AQR: variants seen among roughly 807,000 people sequenced by gnomAD.
AQR encodes the protein aquarius intron-binding spliceosomal factor.
AQR carries 61 observed loss-of-function variants against 180.5 expected under a neutral mutation model. The ratio of observed to expected loss-of-function variants is 0.34; its 90% CI spans 0.28 to 0.42. The LOEUF (loss-of-function observed/expected upper bound fraction) is 0.42, where lower values mean the gene tolerates loss of function less well. Ranked by LOEUF, AQR falls within the 10% of genes least tolerant of loss-of-function variation. AQR has a pLI of 1.00. For missense variants in AQR, 1,281 were observed against 1,798.3 expected, an observed-to-expected ratio of 0.71 and a Z score of 5.20; for synonymous variants, 551 against 588.8, an observed-to-expected ratio of 0.94 and a Z score of 0.93.
At chr15:34,893,607 G>GCACGCACACACACACACACA in intron 23 of AQR, 56 bp downstream of exon 23, 1 of 997,688 alleles carries the variant, frequency 1.0e-6, no homozygotes. Flanking sequence ...GCGCATGCGT[G>GCACGCACACACACACACACA]CACACACACA....
chr15:34,944,806 C>G (rs2140498865), intron 5 of AQR, among the ~76,000 whole-genome samples: 1 of 152,310 alleles, frequency 6.6e-6, no homozygotes, highest in South Asian at 2.1e-4. Context: ...AGTTTTCACA[C>G]TGTAATTAAT....
chr15:34,911,156 T>C lies in AQR; in HGVS notation c.1485-843A>G, dbSNP rs368593618. On this transcript the variant is annotated intron_variant, in intron 16 of 34. Transcript: ENST00000156471. Reference sequence around the variant, plus strand: ...ATATCCCATTGTGTGTTTTTATATATGTACACACACACCACATTTTCACAT... The same window carrying C: ...ATATCCCATTGTGTGTTTTTATATACGTACACACACACCACATTTTCACAT... Among the ~76,000 whole-genome samples, 44 of 152,338 alleles carry C rather than the reference T, an allele frequency of 2.9e-4. No individual in the cohort carries two copies. The East Asian group carries it at 6.4e-3, about 22-fold the overall frequency.
In AQR at chr15:34,906,642, G is replaced by T. The variant is rs758318897; in HGVS notation, c.1734C>A (p.Asp578Glu). The change falls in exon 18 of 35, where the codon GAC (aspartate) becomes GAA (glutamate). Residue 578 changes from aspartate to glutamate, a missense_variant. By Grantham distance (45) the Asp-to-Glu change is conservative (BLOSUM62 2). Transcript: ENST00000156471. ...RPTKPYGTKFDRRRPFIEQVG... is the reference protein window; with the variant it reads ...RPTKPYGTKFERRRPFIEQVG... The stretch of plus-strand genomic sequence containing the variant: ...CCTGCTCAATAAAAGGTCTCCTCCG[G>T]TCAAACTTAGTGCCATAAGGTTTTG... The T allele has an allele frequency of 6.2e-7, 1 of 1,614,068 alleles. No individual in the cohort carries two copies. The highest frequency in any genetic ancestry group is 8.5e-7 in the Non-Finnish European group (1 of 1,180,002).
intron 6 of AQR, chr15:34,942,948 T>A: frequency 3.0e-6 from 3 of 1,009,020 alleles, no homozygotes; most frequent in Non-Finnish European, 2.9e-6. Context: ...ATCACCAAAT[T>A]ACTAATACTA....
intron 15 of AQR, among the ~76,000 whole-genome samples, chr15:34,917,810 T>C (rs1438556579): frequency 2.3e-5 from 3 of 130,262 alleles, no homozygotes; most frequent in South Asian, 3.0e-4. Flanking sequence ...TGGCGAGACC[T>C]TGTCTCTACT....
In AQR at chr15:34,889,554, TTGTAAAG is replaced by T. The variant is rs1248120787; in HGVS notation, c.2681+654_2681+660del. The stretch of plus-strand genomic sequence containing the variant: ...ATACTAATGGCAGAAGAAATCCGAC[TTGTAAAG>T]TTTTAGTCAATTTACAGTATGTGAT... On this transcript the variant is annotated intron_variant, in intron 24 of 34. Transcript: ENST00000156471. 3.3e-5 allele frequency among the ~76,000 whole-genome samples: 5 copies of T among 152,354 alleles called. No homozygotes were observed. In the East Asian group the frequency reaches 7.7e-4, roughly 23 times the overall value.
At chr15:34,863,695 T>C (rs1372667559) in intron 32 of AQR, among the ~76,000 whole-genome samples, 1 of 152,172 alleles carries the variant, frequency 6.6e-6, no homozygotes, top group Non-Finnish European at 1.5e-5. Context: ...TTAAACTGAA[T>C]GATCAAACTA....
In AQR at chr15:34,876,148, C is replaced by T. The variant is rs532388110; in HGVS notation, c.3166-142G>A. 11 of 606,666 alleles carry T rather than the reference C, an allele frequency of 1.8e-5. No individual in the cohort carries two copies. The South Asian group carries it at 2.3e-4, about 12-fold the overall frequency. The allele number at this position is 606,666 out of a possible 1,614,324, so 37.6% of individuals were successfully genotyped here. A position where few individuals can be genotyped will look rare whatever the true frequency, so the allele number is the denominator to read the frequency against. ...TCAGACAGATAAAAATAACAACATA[C>T]ACATTATTCAAACAGAAACTTCATG... On this transcript the variant is annotated intron_variant, in intron 27 of 34. Coordinates refer to ENST00000156471, the MANE Select transcript of AQR (RefSeq NM_014691.3).
rs1021795969 is a variant in AQR, at chr15:34,857,016, T to G, written c.4234A>C (p.Thr1412Pro). 6.2e-7 allele frequency: 1 copy of G among 1,613,940 alleles called. No homozygotes were observed. The highest frequency in any genetic ancestry group is 1.3e-5 in the African/African-American group (1 of 74,898). ...CTGGGTATGATGTCAGCTTGAACAG[T>G]CATGGCCTCTTCTTCTGTTTCCAAT... is the stretch of plus-strand genomic sequence containing the variant. ...TELETEEEAM[T>P]VQADIIPSPT... The change falls in exon 35 of 35, where the codon ACT becomes CCT. Residue 1412 changes from threonine to proline, a missense_variant. This residue lies in a region of AQR where 182 missense variants were observed against 185.3 expected (regional missense o/e 0.98). Transcript: ENST00000156471.
chr15:34,905,959 G>A, intron 18 of AQR, among the ~76,000 whole-genome samples: 1 of 152,036 alleles, frequency 6.6e-6, no homozygotes, highest in East Asian at 1.9e-4. Context: ...GCTTGAACTT[G>A]GGAGGCAGAG....
Position 34,904,456 on chromosome 15 carries a change from C to T in AQR, c.1881G>A (p.Val627=). The T allele has an allele frequency of 6.2e-7, 1 of 1,612,334 alleles. No individual in the cohort carries two copies. The highest frequency in any genetic ancestry group is 8.5e-7 in the Non-Finnish European group (1 of 1,179,146). ...GTTGATACTGGTTTGGATCCAAAAA[C>T]ACTCTAAATGTCCTTGATTCTCCTC... ...NLRGESRTFR[V]FLDPNQYQQD... is the part of the protein sequence containing the mutation. Residue 627 remains valine (V), a synonymous_variant, in exon 19 of 35, where the codon GTG becomes GTA. Coordinates refer to ENST00000156471, the MANE Select transcript of AQR (RefSeq NM_014691.3).
rs1318363963 is a variant in AQR at position 34,884,407 on chromosome 15, A to G, written c.3027+118T>C. ...GGCAACAGGGCAAGACTCCGTCTCA[A>G]AAAAAAACAAAAAAACAAAAAAACA... On this transcript the variant is annotated intron_variant, in intron 26 of 34. Coordinates refer to ENST00000156471, the MANE Select transcript of AQR (RefSeq NM_014691.3). The G allele has an allele frequency of 3.4e-5, 34 of 995,052 alleles. No homozygotes were observed. In the East Asian group the frequency reaches 9.5e-4, roughly 28 times the overall value. The allele number at this position is 995,052 out of a possible 1,614,324, so 61.6% of individuals were successfully genotyped here.
In AQR at chr15:34,932,346, C is replaced by T. The variant is rs1893877300; in HGVS notation, c.872G>A (p.Arg291Lys). ...VHCYLSNLVRREEDGHLFSQL... is the reference protein window; with the variant it reads ...VHCYLSNLVRKEEDGHLFSQL... Reference sequence around the variant, plus strand: ...GGAAAAAAGATGGCCATCCTCTTCTCTACGAACAAGATTGGAAAGGTAACA... The same window carrying T: ...GGAAAAAAGATGGCCATCCTCTTCTTTACGAACAAGATTGGAAAGGTAACA... The change falls in exon 11 of 35, where the codon AGA becomes AAA. Residue 291 changes from arginine to lysine, a missense_variant. Around this residue, in one of 9 missense-constraint regions of AQR, gnomAD observed 404 missense variants for 490.9 expected, o/e 0.82. Coordinates refer to ENST00000156471, the MANE Select transcript of AQR (RefSeq NM_014691.3). The T allele has an allele frequency of 6.2e-7, 1 of 1,613,504 alleles. No homozygotes were observed. Among genetic ancestry groups the T allele is most frequent in the South Asian group, 1.1e-5 (1 of 91,062 alleles).
At chr15:34,858,788 A>G (rs145115598) in intron 34 of AQR, among the ~76,000 whole-genome samples, 3 of 152,346 alleles carry the variant, frequency 2.0e-5, no homozygotes, top group African/African-American at 7.2e-5. Context: ...TCTCACATAT[A>G]TAGTCAATTG....
rs1183237531 is a variant in AQR, at chr15:34,854,024, A to T, written c.*2768T>A. On this transcript the variant is annotated 3_prime_UTR_variant, in exon 35 of 35. Coordinates refer to ENST00000156471, the MANE Select transcript of AQR (RefSeq NM_014691.3). ...ATGCCTTTTCTCTCAGCATCTAGCA[A>T]AACATCTCAACTTTTATTACACCAA... is the stretch of plus-strand genomic sequence containing the variant. 6 of 152,186 alleles carry T rather than the reference A, an allele frequency of 3.9e-5. No individual in the cohort carries two copies. Among genetic ancestry groups the T allele is most frequent in the Admixed American group, 3.3e-4 (5 of 15,284 alleles). 9.4% of individuals were successfully genotyped at this position (152,186 alleles called of 1,614,324 possible).
intron 2 of AQR, 71 bp from the exon 3 acceptor site, chr15:34,960,885 G>T (rs927207925): frequency 1.7e-5 from 9 of 544,274 alleles, no homozygotes; most frequent in Non-Finnish European, 2.8e-5. Context: ...AGTTTTTAAT[G>T]AGTGAGATTA....
At chr15:34,936,887 T>C (rs1022943119) in intron 9 of AQR, among the ~76,000 whole-genome samples, 13 of 152,136 alleles carry the variant, frequency 8.5e-5, no homozygotes, top group Non-Finnish European at 1.9e-4. Flanking sequence ...CAGACATTAG[T>C]TCTATAGACG....
chr15:34,857,089 T>TG lies in AQR; in HGVS notation c.4160dup (p.Pro1388ThrfsTer8). 1 of 1,567,616 alleles carries TG rather than the reference T, an allele frequency of 6.4e-7. No individual in the cohort carries two copies. Among genetic ancestry groups the TG allele is most frequent in the Non-Finnish European group, 8.6e-7 (1 of 1,161,206 alleles). The stretch of plus-strand genomic sequence containing the variant: ...CCTCACCCTCTTCTACCATAGCAGG[T>TG]GGTAGTTGTAATAAAGTCTAATTAA... On this transcript the variant is annotated frameshift_variant, in exon 35 of 35. Transcript: ENST00000156471. LOFTEE classifies it low-confidence loss of function (END_TRUNC).
intron 3 of AQR, among the ~76,000 whole-genome samples, chr15:34,959,864 G>A (rs1024399395): frequency 3.3e-5 from 5 of 152,184 alleles, no homozygotes; most frequent in African/African-American, 9.7e-5. Flanking sequence ...ATTCTTGCTG[G>A]GTGCAGTGGC....
Sources: gnomAD v4.1 joint callset for allele counts (sites outside exome capture counted in the v4.1 genomes callset) on GRCh38, gnomAD v4.1.1 for gene constraint, gnomAD v4.1.1 regional missense constraint, MANE v1.5 for transcripts, NCBI Gene and HGNC (gene_info 2026-07-23, HGNC 2026-07-21) for gene names.